Variants in PRKG1 observed in about 807,000 individuals in gnomAD.
PRKG1 encodes cGMP-dependent protein kinase 1.
PRKG1 carries 35 observed loss-of-function variants against 88.1 expected under a neutral mutation model. The observed-to-expected ratio is 0.40, with a 90% confidence interval of 0.30 to 0.53. The LOEUF (loss-of-function observed/expected upper bound fraction) is 0.53, where lower values mean the gene tolerates loss of function less well. PRKG1 is among the 20% of genes least tolerant of loss of function. The pLI is 0.59. For synonymous variants in PRKG1, 303 were observed against 292.5 expected (o/e 1.04, Z -0.37); for missense variants, 540 against 839.8 (o/e 0.64, Z 4.41).
At chr10:52,025,562 A>T (rs998171716) in intron 5 of PRKG1, among the ~76,000 whole-genome samples, 2 of 152,064 alleles carry the variant, frequency 1.3e-5, no homozygotes, top group African/African-American at 4.8e-5. Flanking sequence ...CAGTTTTCCC[A>T]GCACCATTTA....
intron 2 of PRKG1, among the ~76,000 whole-genome samples, chr10:51,205,127 C>CTTTTTTTTT (rs58176913): frequency 5.0e-4 from 32 of 64,006 alleles, no homozygotes; most frequent in African/African-American, 9.3e-4. Context: ...ATTTTCTTTT[C>CTTTTTTTTT]TTTTTTTTTT....
chr10:51,499,092 A>G (rs1489363398), intron 3 of PRKG1, among the ~76,000 whole-genome samples: 3 of 152,154 alleles, frequency 2.0e-5, no homozygotes, highest in Non-Finnish European at 4.4e-5. Flanking sequence ...ATACTTTTTC[A>G]GGTAAGGAGG....
At chr10:52,255,541 A>T (rs1841287163) in intron 10 of PRKG1, among the ~76,000 whole-genome samples, 1 of 152,038 alleles carries the variant, frequency 6.6e-6, no homozygotes, top group Admixed American at 6.6e-5. Context: ...GTCTTTTTGG[A>T]TTATATTCTT....
chr10:51,725,171 G>A (rs369442189), intron 3 of PRKG1, among the ~76,000 whole-genome samples: 1 of 152,134 alleles, frequency 6.6e-6, no homozygotes, highest in Non-Finnish European at 1.5e-5. Flanking sequence ...GAATTTCAAG[G>A]TGTTACCAAT....
intron 3 of PRKG1, among the ~76,000 whole-genome samples, chr10:51,602,375 G>A (rs79407012): frequency 0.036 from 5,402 of 152,106 alleles, 147 homozygotes; most frequent in South Asian, 0.11. Context: ...ATGTTTACTT[G>A]TAGACATTGT....
intron 5 of PRKG1, among the ~76,000 whole-genome samples, chr10:51,960,216 C>T (rs1425393628): frequency 6.6e-6 from 1 of 151,506 alleles, no homozygotes; most frequent in Non-Finnish European, 1.5e-5. Context: ...TCCTTATCCT[C>T]TTACTTTAGA....
At chr10:51,941,054 T>C (rs953783628) in intron 5 of PRKG1, among the ~76,000 whole-genome samples, 1 of 151,944 alleles carries the variant, frequency 6.6e-6, no homozygotes, top group Non-Finnish European at 1.5e-5. Flanking sequence ...CTCTATTTTA[T>C]TAAATTTCAG....
intron 5 of PRKG1, among the ~76,000 whole-genome samples, chr10:51,913,795 G>A (rs1842278153): frequency 6.6e-6 from 1 of 152,040 alleles, no homozygotes; most frequent in South Asian, 2.1e-4. Flanking sequence ...ATTATTTTAG[G>A]ACTCAGATTT....
chr10:52,267,252 TTA>T (rs1841597587), intron 10 of PRKG1, among the ~76,000 whole-genome samples: 1 of 45,666 alleles, frequency 2.2e-5, no homozygotes, highest in African/African-American at 4.3e-5. Context: ...AGAGTTTACT[TTA>T]AAAAAAATTT....
At chr10:51,049,684 A>G (rs1843536803) in intron 1 of PRKG1, among the ~76,000 whole-genome samples, 1 of 152,164 alleles carries the variant, frequency 6.6e-6, no homozygotes, top group Non-Finnish European at 1.5e-5. Context: ...TACTACTAAT[A>G]AAAAGTTCTA....
intron 5 of PRKG1, among the ~76,000 whole-genome samples, chr10:52,011,046 T>C (rs1296807826): frequency 6.6e-6 from 1 of 152,198 alleles, no homozygotes; most frequent in Admixed American, 6.5e-5. Context: ...AGCTCTATCA[T>C]AGCAAGTAAG....
In PRKG1 at chr10:51,840,517, TTTTATTTA is replaced by T. The variant is rs66516508; in HGVS notation, c.698+35866_698+35873del. ...ACCTATGTCTTTATTGAACCCTCTA[TTTTATTTA>T]TTTATTTATTTATTTATTTATTTAT... On this transcript the variant is annotated intron_variant, in intron 4 of 17. Coordinates refer to ENST00000373980, the MANE Select transcript of PRKG1 (RefSeq NM_006258.4). 5.9e-3 allele frequency among the ~76,000 whole-genome samples: 829 copies of T among 139,842 alleles called. 4 individuals are homozygous for T. The highest frequency in any genetic ancestry group is 0.047 in the East Asian group (225 of 4,770). The allele number at this position is 139,842 out of a possible 152,430, so 91.7% of individuals were successfully genotyped here. A position where few individuals can be genotyped will look rare whatever the true frequency, so the allele number is the denominator to read the frequency against.
rs138965176 is a variant in PRKG1, at chr10:51,830,752, G to A, written c.698+26062G>A. ...AATTTTTGTATTTTTAGTAGAGACA[G>A]GGTTTCTTCATGTTGGCCAGGCTGG... is the stretch of plus-strand genomic sequence containing the variant. On this transcript the variant is annotated intron_variant, in intron 4 of 17. Coordinates refer to ENST00000373980, the MANE Select transcript of PRKG1 (RefSeq NM_006258.4). Among the ~76,000 whole-genome samples, 1,296 of 151,796 alleles carry A rather than the reference G, an allele frequency of 8.5e-3. 21 individuals are homozygous for A. Among genetic ancestry groups the A allele is most frequent in the African/African-American group, 0.03 (1,231 of 41,428 alleles).
intron 3 of PRKG1, chr10:51,698,210 C>T (rs748345504): frequency 2.5e-6 from 4 of 1,614,156 alleles, no homozygotes; most frequent in South Asian, 1.1e-5. Context: ...TGCTTCCATC[C>T]CTCTGGTTTC....
At chr10:51,862,489 T>A (rs1472238581) in intron 4 of PRKG1, among the ~76,000 whole-genome samples, 1 of 152,096 alleles carries the variant, frequency 6.6e-6, no homozygotes, top group Non-Finnish European at 1.5e-5. Flanking sequence ...AGAGGGGACC[T>A]GAAGTGGGTA....
At chr10:51,962,837 G>A (rs905473162) in intron 5 of PRKG1, among the ~76,000 whole-genome samples, 3 of 152,166 alleles carry the variant, frequency 2.0e-5, no homozygotes, top group African/African-American at 7.2e-5. Flanking sequence ...CTAGCTCTAT[G>A]TTTATATTAA....
intron 1 of PRKG1, among the ~76,000 whole-genome samples, chr10:51,019,144 A>T (rs759097424): frequency 6.6e-6 from 1 of 152,100 alleles, no homozygotes; most frequent in African/African-American, 2.4e-5. Flanking sequence ...ATACCTCTAA[A>T]CGGTCTGCTT....
At chr10:51,942,028 C>A (rs28883377) in intron 5 of PRKG1, among the ~76,000 whole-genome samples, 6 of 152,058 alleles carry the variant, frequency 3.9e-5, no homozygotes, top group Non-Finnish European at 5.9e-5. Context: ...AATCGCCACA[C>A]GGACTTCCAC....
At chr10:51,954,713 A>G (rs566009621) in intron 5 of PRKG1, among the ~76,000 whole-genome samples, 8 of 152,342 alleles carry the variant, frequency 5.3e-5, no homozygotes, top group East Asian at 1.9e-4. Flanking sequence ...GGTAAACTCA[A>G]TAACTGATCA....
Sources: allele counts gnomAD v4.1 joint callset (sites outside exome capture counted in the v4.1 genomes callset), GRCh38; gene constraint gnomAD v4.1.1; transcripts MANE v1.5; gene names NCBI Gene and HGNC (gene_info 2026-07-23, HGNC 2026-07-21).